Variants in RAP1A observed in about 807,000 individuals in gnomAD.
RAP1A encodes RAP1A, member of RAS oncogene family.
A neutral mutation model predicts 26.4 loss-of-function variants in RAP1A; 6 were observed. The observed-to-expected ratio is 0.23, with a 90% CI of 0.12 to 0.45. The LOEUF (loss-of-function observed/expected upper bound fraction) is 0.45. Ranked by LOEUF, RAP1A falls within the 20% of genes least tolerant of loss-of-function variation. RAP1A has a pLI of 0.99. For missense variants in RAP1A, 121 were observed against 217.2 expected, an observed-to-expected ratio of 0.56 and a Z score of 2.78; for synonymous variants, 73 against 79.4, an observed-to-expected ratio of 0.92 and a Z score of 0.43.
intron 1 of RAP1A, among the ~76,000 whole-genome samples, chr1:111,586,288 A>C (rs1476159127): frequency 6.6e-6 from 1 of 152,226 alleles, no homozygotes; most frequent in Non-Finnish European, 1.5e-5. Flanking sequence ...ATGAACAGCT[A>C]TGACTAATTT....
intron 1 of RAP1A, among the ~76,000 whole-genome samples, chr1:111,634,392 G>A (rs1010842228): frequency 2.6e-5 from 4 of 151,730 alleles, no homozygotes; most frequent in Non-Finnish European, 4.4e-5. Flanking sequence ...CAGATTACCA[G>A]TGTTTACATA....
intron 1 of RAP1A, among the ~76,000 whole-genome samples, chr1:111,688,830 T>TG (rs1342698077): frequency 1.0e-5 from 1 of 99,188 alleles, no homozygotes; most frequent in African/African-American, 3.8e-5. Flanking sequence ...TTGTTTTTTT[T>TG]TTTGTTTTTT....
At chr1:111,674,730 T>G (rs1379953325) in intron 1 of RAP1A, among the ~76,000 whole-genome samples, 1 of 152,252 alleles carries the variant, frequency 6.6e-6, no homozygotes. Context: ...TCACTGACTC[T>G]TCTTCATTCC....
At position 111,714,911 on chromosome 1, in the gene RAP1A, T is replaced by C. The variant is rs1220473552; in HGVS notation, c.*2510T>C. ...GTGGCTATTTAAAGTATAATGACTT[T>C]GGTTTGGTTATATGAGTGACACAGA... is the stretch of plus-strand genomic sequence containing the variant. On this transcript the variant is annotated 3_prime_UTR_variant, in exon 8 of 8. Coordinates refer to ENST00000369709, the MANE Select transcript of RAP1A (RefSeq NM_002884.4). The C allele has an allele frequency of 6.6e-6, 1 of 152,214 alleles. No individual in the cohort carries two copies. The highest frequency in any genetic ancestry group is 2.4e-5 in the African/African-American group (1 of 41,454). 9.4% of individuals were successfully genotyped at this position (152,214 alleles called of 1,614,324 possible). A position where few individuals can be genotyped will look rare whatever the true frequency, so the allele number is the denominator to read the frequency against.
intron 1 of RAP1A, among the ~76,000 whole-genome samples, chr1:111,581,041 C>T (rs1319502107): frequency 1.0e-5 from 1 of 100,492 alleles, no homozygotes; most frequent in Non-Finnish European, 2.6e-5. Flanking sequence ...ATGAACAGTG[C>T]AAAGAGGACA....
intron 1 of RAP1A, among the ~76,000 whole-genome samples, chr1:111,642,824 C>T (rs533850729): frequency 7.8e-6 from 1 of 128,746 alleles, no homozygotes; most frequent in South Asian, 2.6e-4. Context: ...CTCGCTGTGT[C>T]GCCCAGGCTG....
At chr1:111,581,619 A>C (rs751881653) in intron 1 of RAP1A, among the ~76,000 whole-genome samples, 5 of 152,234 alleles carry the variant, frequency 3.3e-5, no homozygotes, top group Non-Finnish European at 7.3e-5. Flanking sequence ...TAAATAAATT[A>C]ATGAATTTAA....
intron 1 of RAP1A, among the ~76,000 whole-genome samples, chr1:111,609,800 T>C (rs1041771013): frequency 2.6e-5 from 4 of 152,106 alleles, no homozygotes; most frequent in Non-Finnish European, 5.9e-5. Flanking sequence ...CATACCCGGC[T>C]AATTTTTGTA....
chr1:111,655,315 G>A (rs780267434), intron 1 of RAP1A, among the ~76,000 whole-genome samples: 91 of 147,634 alleles, frequency 6.2e-4, no homozygotes, highest in Admixed American at 2.5e-3. Flanking sequence ...ACAGCTAAAA[G>A]CAAACAATAT....
chr1:111,688,026 CAAAAA>C (rs58107878), intron 1 of RAP1A, among the ~76,000 whole-genome samples: 9,353 of 51,526 alleles, frequency 0.18, 395 homozygotes, highest in Middle Eastern at 0.32. Context: ...GACCCTGTCT[CAAAAA>C]AAAAAAAAAA....
intron 2 of RAP1A, among the ~76,000 whole-genome samples, chr1:111,695,007 A>G (rs1661781798): frequency 6.6e-6 from 1 of 152,198 alleles, no homozygotes; most frequent in Admixed American, 6.5e-5. Context: ...ATAGATATAT[A>G]AAGGGGCAAT....
chr1:111,670,740 A>AT, intron 1 of RAP1A, among the ~76,000 whole-genome samples: 1 of 152,246 alleles, frequency 6.6e-6, no homozygotes, highest in Non-Finnish European at 1.5e-5. Context: ...GAAAAAGGAG[A>AT]TATAACTAAA....
chr1:111,709,131 T>C lies in RAP1A; in HGVS notation c.469-18T>C. 6.3e-7 allele frequency: 1 copy of C among 1,598,326 alleles called. No homozygotes were observed. The highest frequency in any genetic ancestry group is 1.1e-5 in the South Asian group (1 of 88,084). ...AAAAACTGGTGGAGTAAGTACTTTTTTTCTTGTTTTTACTTAGATATTTTA... is the reference window on the plus strand; with the variant it reads ...AAAAACTGGTGGAGTAAGTACTTTTCTTCTTGTTTTTACTTAGATATTTTA... On this transcript the variant is annotated intron_variant, in intron 6 of 7. Coordinates refer to ENST00000369709, the MANE Select transcript of RAP1A (RefSeq NM_002884.4).
intron 1 of RAP1A, among the ~76,000 whole-genome samples, chr1:111,598,703 T>C (rs1370214544): frequency 6.6e-6 from 1 of 152,146 alleles, no homozygotes; most frequent in Non-Finnish European, 1.5e-5. Flanking sequence ...TGACCAAATG[T>C]GTGTGGGTCT....
intron 1 of RAP1A, among the ~76,000 whole-genome samples, chr1:111,631,669 G>T (rs1197109054): frequency 1.3e-5 from 2 of 152,116 alleles, no homozygotes; most frequent in Non-Finnish European, 2.9e-5. Flanking sequence ...AAACATGAAT[G>T]AATGAGTAAA....
intron 1 of RAP1A, among the ~76,000 whole-genome samples, chr1:111,621,268 G>A (rs1010863834): frequency 2.6e-5 from 4 of 152,220 alleles, no homozygotes; most frequent in African/African-American, 7.2e-5. Context: ...CTGTCAGAAT[G>A]TGTGGGGGTG....
At chr1:111,558,285 C>T (rs7554300) in intron 1 of RAP1A, among the ~76,000 whole-genome samples, 16,090 of 152,038 alleles carry the variant, frequency 0.11, 2,177 homozygotes, top group African/African-American at 0.31. Context: ...TCAAGTGGTC[C>T]TCTCACCTCA....
chr1:111,583,872 ATTTC>A (rs1658311034), intron 1 of RAP1A, among the ~76,000 whole-genome samples: 1 of 120,394 alleles, frequency 8.3e-6, no homozygotes, highest in African/African-American at 2.9e-5. Context: ...TACAATTGTT[ATTTC>A]TTTTTTTTTT....
intron 1 of RAP1A, among the ~76,000 whole-genome samples, chr1:111,592,271 T>C (rs1052694784): frequency 1.3e-5 from 2 of 152,172 alleles, no homozygotes; most frequent in Non-Finnish European, 1.5e-5. Context: ...GGAAAATTAA[T>C]TTCTAAACAA....
Sources: gnomAD v4.1 joint callset for allele counts (sites outside exome capture counted in the v4.1 genomes callset) on GRCh38, gnomAD v4.1.1 for gene constraint, MANE v1.5 for transcripts, NCBI Gene and HGNC (gene_info 2026-07-23, HGNC 2026-07-21) for gene names.